The following CRADD variants were observed in gnomAD, a reference collection of about 807,000 sequenced individuals.
The protein encoded by CRADD is death domain-containing protein CRADD.
CRADD carries 9 observed loss-of-function variants against 15.5 expected under a neutral mutation model. The observed-to-expected ratio is 0.58, with a 90% CI of 0.35 to 1.01. CRADD has a LOEUF of 1.01. Ranked by LOEUF, CRADD falls within the 50% of genes least tolerant of loss-of-function variation. The pLI, the probability that CRADD is intolerant of heterozygous loss-of-function variation, is 0.02. For missense variants in CRADD, 227 were observed against 250.3 expected, an observed-to-expected ratio of 0.91 and a Z score of 0.63; for synonymous variants, 118 against 107.6, an observed-to-expected ratio of 1.10 and a Z score of -0.60.
intron 2 of CRADD, among the ~76,000 whole-genome samples, chr12:93,870,083 C>T (rs979081591): frequency 6.6e-6 from 1 of 152,030 alleles, no homozygotes; most frequent in African/African-American, 2.4e-5. Flanking sequence ...ATATAAGAGT[C>T]ACTGAAAATG....
At chr12:93,894,173 C>T in exon 3 of CRADD, 1 of 701,318 alleles carries the variant, frequency 1.4e-6, no homozygotes, top group South Asian at 1.5e-5. Flanking sequence ...TTCCTCTACA[C>T]CAGTGGTTCT....
chr12:93,743,998 T>C (rs1253854588), intron 2 of CRADD, among the ~76,000 whole-genome samples: 1 of 152,256 alleles, frequency 6.6e-6, no homozygotes, highest in Non-Finnish European at 1.5e-5. Flanking sequence ...TAACAGACTC[T>C]TATGTGCTCA....
At chr12:93,763,772 C>G (rs1411831201) in intron 2 of CRADD, among the ~76,000 whole-genome samples, 1 of 152,186 alleles carries the variant, frequency 6.6e-6, no homozygotes, top group Non-Finnish European at 1.5e-5. Flanking sequence ...TCACAATCCC[C>G]AAGCCCCTGG....
In CRADD at chr12:93,891,226, C is replaced by T. The variant is rs188564702; in HGVS notation, c.299-2824C>T. ...TTTCAATGGCGTGTGTGGTGGCTCA[C>T]GCCTGGAATCCCAGCACTTTGGGAG... On this transcript the variant is annotated intron_variant, in intron 2 of 2. Transcript: ENST00000548483. 3.9e-5 allele frequency among the ~76,000 whole-genome samples: 6 copies of T among 152,048 alleles called. No homozygotes were observed. In the South Asian group the frequency reaches 6.2e-4, roughly 16 times the overall value.
intron 2 of CRADD, among the ~76,000 whole-genome samples, chr12:93,786,492 C>A (rs149782940): frequency 4.1e-4 from 62 of 152,114 alleles, no homozygotes; most frequent in Admixed American, 1.3e-3. Context: ...GGAGGTAGAT[C>A]CTGTATAATT....
chr12:93,849,655 C>G (rs1189607634), intron 2 of CRADD, among the ~76,000 whole-genome samples: 1 of 150,908 alleles, frequency 6.6e-6, no homozygotes, highest in African/African-American at 2.4e-5. Flanking sequence ...ACAGGAGAAT[C>G]ACTTCAACCC....
intron 2 of CRADD, among the ~76,000 whole-genome samples, chr12:93,792,713 T>C (rs1325602200): frequency 6.6e-6 from 1 of 152,170 alleles, no homozygotes; most frequent in Non-Finnish European, 1.5e-5. Context: ...GTAGATGCTA[T>C]TATAATCCCC....
intron 2 of CRADD, among the ~76,000 whole-genome samples, chr12:93,786,010 G>T (rs1284962790): frequency 6.6e-6 from 1 of 152,164 alleles, no homozygotes; most frequent in Non-Finnish European, 1.5e-5. Context: ...GAAAGTGTTG[G>T]GGAGGCAGCA....
intron 2 of CRADD, among the ~76,000 whole-genome samples, chr12:93,774,425 G>C (rs1420041518): frequency 6.6e-6 from 1 of 152,212 alleles, no homozygotes; most frequent in South Asian, 2.1e-4. Context: ...TCATCCAGCT[G>C]TTTAGTGGCA....
At chr12:93,731,526 G>A (rs761148255) in intron 2 of CRADD, among the ~76,000 whole-genome samples, 5 of 152,194 alleles carry the variant, frequency 3.3e-5, no homozygotes, top group Admixed American at 6.5e-5. Context: ...GTAATAGTTT[G>A]CCAGCGACTT....
intron 2 of CRADD, among the ~76,000 whole-genome samples, chr12:93,726,094 GTTTTTT>G (rs1165429350): frequency 2.2e-4 from 21 of 96,038 alleles, no homozygotes; most frequent in African/African-American, 5.9e-4. Context: ...AAATAGTTTA[GTTTTTT>G]TTTTTTTTTT....
intron 2 of CRADD, among the ~76,000 whole-genome samples, chr12:93,844,165 C>G (rs969731421): frequency 1.3e-5 from 2 of 152,124 alleles, no homozygotes; most frequent in Non-Finnish European, 2.9e-5. Context: ...ATGACTATTG[C>G]AATACAGAAT....
At chr12:93,846,508 G>A (rs2137046280) in intron 2 of CRADD, 1 of 151,478 alleles carries the variant, frequency 6.6e-6, no homozygotes, top group South Asian at 2.1e-4. Flanking sequence ...AGTGTGAAGT[G>A]GAATGGATTT....
chr12:93,835,243 A>G (rs984093245), intron 2 of CRADD, among the ~76,000 whole-genome samples: 3 of 152,120 alleles, frequency 2.0e-5, no homozygotes, highest in Non-Finnish European at 2.9e-5. Context: ...ATATTTATGC[A>G]CTATACTTTA....
chr12:93,803,751 C>G (rs1413044515), intron 2 of CRADD, among the ~76,000 whole-genome samples: 1 of 151,748 alleles, frequency 6.6e-6, no homozygotes, highest in East Asian at 1.9e-4. Flanking sequence ...TCCTTAGAAC[C>G]TGCAAATATG....
At chr12:93,780,447 A>G (rs1196535986) in intron 2 of CRADD, among the ~76,000 whole-genome samples, 7 of 152,216 alleles carry the variant, frequency 4.6e-5, no homozygotes, top group African/African-American at 1.7e-4. Flanking sequence ...AGGCACAGGA[A>G]GATTTAATGA....
chr12:93,729,947 G>C (rs1050588972), intron 2 of CRADD, among the ~76,000 whole-genome samples: 1 of 152,134 alleles, frequency 6.6e-6, no homozygotes, highest in African/African-American at 2.4e-5. Context: ...TAATAAATAA[G>C]AGATGCATTC....
chr12:93,813,535 C>T (rs1393847833), intron 2 of CRADD, among the ~76,000 whole-genome samples: 1 of 152,162 alleles, frequency 6.6e-6, no homozygotes, highest in Non-Finnish European at 1.5e-5. Context: ...TTATATGTGT[C>T]AGTTGGAGAA....
chr12:93,793,824 C>T (rs1307505189), intron 2 of CRADD, among the ~76,000 whole-genome samples: 1 of 152,148 alleles, frequency 6.6e-6, no homozygotes, highest in Admixed American at 6.5e-5. Flanking sequence ...ACAGCAACAA[C>T]AAAAACCTTC....
Sources: allele counts gnomAD v4.1 joint callset (sites outside exome capture counted in the v4.1 genomes callset), GRCh38; gene constraint gnomAD v4.1.1; transcripts MANE v1.5; gene names NCBI Gene and HGNC (gene_info 2026-07-23, HGNC 2026-07-21).